The following MTUS2 variants were observed in gnomAD, a reference collection of about 807,000 sequenced individuals.
MTUS2 encodes microtubule-associated tumor suppressor candidate 2.
In MTUS2, 40 loss-of-function variants were observed where a neutral mutation model predicts 114.1. The ratio of observed to expected loss-of-function variants is 0.35; its 90% CI spans 0.27 to 0.46. The LOEUF (loss-of-function observed/expected upper bound fraction) is 0.46, where lower values mean the gene tolerates loss of function less well. Among genes scored for constraint, MTUS2 ranks in the 20% least tolerant of loss-of-function variants. The pLI is 1.00. For synonymous variants in MTUS2, 688 were observed against 672.0 expected (o/e 1.02, Z -0.37); for missense variants, 1,679 against 1,705.4 (o/e 0.98, Z 0.27).
chr13:29,335,554 C>G (rs573809183), intron 7 of MTUS2, among the ~76,000 whole-genome samples: 1 of 152,266 alleles, frequency 6.6e-6, no homozygotes, highest in African/African-American at 2.4e-5. Context: ...TAAAAACTTG[C>G]TGGTTTTGCG....
Position 29,031,688 on chromosome 13 carries a change from G to A in MTUS2, c.2206-2197G>A, listed in dbSNP as rs564484833. On this transcript the variant is annotated intron_variant, in intron 3 of 15. Coordinates refer to ENST00000612955, the MANE Select transcript of MTUS2 (RefSeq NM_001033602.4). ...TTATTCAAGGTCTGCTGATTTAAATGTTAATCTAATATAAGAAATACTTTC... is the reference window on the plus strand; with the variant it reads ...TTATTCAAGGTCTGCTGATTTAAATATTAATCTAATATAAGAAATACTTTC... 7.2e-5 allele frequency among the ~76,000 whole-genome samples: 11 copies of A among 151,990 alleles called. No individual in the cohort carries two copies. The South Asian group carries it at 1.0e-3, about 14-fold the overall frequency.
intron 2 of MTUS2, among the ~76,000 whole-genome samples, chr13:28,960,468 AC>A (rs756209737): frequency 1.3e-5 from 2 of 152,234 alleles, no homozygotes; most frequent in Non-Finnish European, 2.9e-5. Context: ...AAAAGTAGAA[AC>A]AATACAAGTG....
At chr13:29,339,490 A>G (rs994164917) in intron 7 of MTUS2, 1 of 152,882 alleles carries the variant, frequency 6.5e-6, no homozygotes. Context: ...TCTCCCTGGC[A>G]CAGGGATCTG....
At chr13:29,114,787 C>T (rs996732278) in intron 5 of MTUS2, among the ~76,000 whole-genome samples, 7 of 152,224 alleles carry the variant, frequency 4.6e-5, no homozygotes, top group African/African-American at 9.6e-5. Context: ...TCAGAGCTAA[C>T]GCCTCAGCTT....
rs555625125 is a variant in MTUS2, at chr13:29,211,140, C to G, written c.2645-70564C>G. On this transcript the variant is annotated intron_variant, in intron 5 of 15. Transcript: ENST00000612955. ...GCCCAGACTGTCCTCGGTGGGTGGGCTTCCTGTGGCTGTTGTGGAGGATGG... is the reference window on the plus strand; with the variant it reads ...GCCCAGACTGTCCTCGGTGGGTGGGGTTCCTGTGGCTGTTGTGGAGGATGG... Among the ~76,000 whole-genome samples, 53 of 152,136 alleles carry G rather than the reference C, an allele frequency of 3.5e-4. No homozygotes were observed. The South Asian group carries it at 1.0e-2, about 29-fold the overall frequency.
chr13:29,364,613 G>T (rs1377987014), intron 8 of MTUS2, among the ~76,000 whole-genome samples: 5 of 152,126 alleles, frequency 3.3e-5, no homozygotes, highest in Admixed American at 6.5e-5. Context: ...GGAAAATAAA[G>T]GCTTGCTAGC....
chr13:28,828,614 G>T lies in MTUS2; in HGVS notation c.-316+8003G>T, dbSNP rs531273287. 3.0e-3 allele frequency among the ~76,000 whole-genome samples: 456 copies of T among 151,970 alleles called. 1 individual carries two copies. Among genetic ancestry groups the T allele is most frequent in the Non-Finnish European group, 5.0e-3 (341 of 67,950 alleles). On this transcript the variant is annotated intron_variant, in intron 1 of 15. Transcript: ENST00000612955. ...ATGTTCTTCTGCCATGGCTTCAGCC[G>T]GTCCCTCCGTTCGGGGTCCCTGACT...
At chr13:29,197,693 C>G (rs1383852616) in intron 5 of MTUS2, among the ~76,000 whole-genome samples, 1 of 152,160 alleles carries the variant, frequency 6.6e-6, no homozygotes, top group African/African-American at 2.4e-5. Flanking sequence ...AAAAGCGTTC[C>G]TACTTCTCCA....
chr13:29,168,339 T>C (rs2139107144), intron 5 of MTUS2, among the ~76,000 whole-genome samples: 1 of 152,330 alleles, frequency 6.6e-6, no homozygotes, highest in East Asian at 1.9e-4. Context: ...CCTAACTATT[T>C]ATTAATGTTC....
Position 29,501,128 on chromosome 13 carries a change from TC to T in MTUS2, c.3832del (p.Gln1278ArgfsTer45). 1 of 1,614,074 alleles carries T rather than the reference TC, an allele frequency of 6.2e-7. No individual in the cohort carries two copies. Among genetic ancestry groups the T allele is most frequent in the Non-Finnish European group, 8.5e-7 (1 of 1,179,986 alleles). On this transcript the variant is annotated frameshift_variant, in exon 15 of 16. Transcript: ENST00000612955. LOFTEE classifies it high-confidence loss of function. Reference protein sequence around the residue: ...AEKNIILEEKIQVLQQQNEDL... With the variant: ...AEKNIILEEKXQVLQQQNEDL... ...AAGAACATTATCCTAGAAGAAAAGA[TC>T]CAGGTTCTCCAACAGCAGAACGAAG...
intron 5 of MTUS2, among the ~76,000 whole-genome samples, chr13:29,162,654 T>C (rs1373380187): frequency 6.6e-6 from 1 of 152,256 alleles, no homozygotes; most frequent in East Asian, 1.9e-4. Context: ...TAATTTATAT[T>C]CTTGCTGTAT....
intron 5 of MTUS2, among the ~76,000 whole-genome samples, chr13:29,191,630 T>C (rs974932313): frequency 6.6e-6 from 1 of 152,148 alleles, no homozygotes; most frequent in Non-Finnish European, 1.5e-5. Flanking sequence ...AAGCCAGCAC[T>C]GAATCCCCCT....
intron 4 of MTUS2, among the ~76,000 whole-genome samples, chr13:29,056,761 C>T (rs1196042081): frequency 6.6e-6 from 1 of 151,922 alleles, no homozygotes; most frequent in African/African-American, 2.4e-5. Context: ...AAACTAAACT[C>T]TTGGATTCAT....
intron 4 of MTUS2, among the ~76,000 whole-genome samples, chr13:29,060,018 C>T (rs1213915067): frequency 6.6e-6 from 1 of 152,134 alleles, no homozygotes; most frequent in Non-Finnish European, 1.5e-5. Flanking sequence ...GGTCACCTGT[C>T]CTGCCATTTG....
chr13:29,338,027 C>T (rs1481306496), intron 7 of MTUS2, among the ~76,000 whole-genome samples: 7 of 150,068 alleles, frequency 4.7e-5, no homozygotes, highest in East Asian at 2.0e-4. Context: ...CTCTTGACCT[C>T]GTGATTTGCC....
chr13:29,091,059 A>G (rs1250814992), intron 4 of MTUS2, among the ~76,000 whole-genome samples: 1 of 152,028 alleles, frequency 6.6e-6, no homozygotes, highest in Non-Finnish European at 1.5e-5. Flanking sequence ...GTACTCAGCA[A>G]CTTTGTGCAG....
intron 4 of MTUS2, among the ~76,000 whole-genome samples, chr13:29,045,753 A>G (rs2138577888): frequency 6.6e-6 from 1 of 152,300 alleles, no homozygotes; most frequent in Admixed American, 6.5e-5. Flanking sequence ...TGAAATGGTT[A>G]GTGCCTCCAT....
At chr13:29,377,764 TAGG>T (rs1458551312) in intron 8 of MTUS2, among the ~76,000 whole-genome samples, 2 of 151,726 alleles carry the variant, frequency 1.3e-5, no homozygotes, top group Non-Finnish European at 2.9e-5. Flanking sequence ...GAAATGAAGA[TAGG>T]AGGAGAAATT....
At chr13:29,345,905 C>T (rs377444761) in intron 7 of MTUS2, among the ~76,000 whole-genome samples, 12 of 152,030 alleles carry the variant, frequency 7.9e-5, no homozygotes, top group African/African-American at 2.9e-4. Flanking sequence ...GAGAGCCGAA[C>T]TGTAGTTATT....
Sources: gnomAD v4.1 joint callset for allele counts (sites outside exome capture counted in the v4.1 genomes callset) on GRCh38, gnomAD v4.1.1 for gene constraint, MANE v1.5 for transcripts, NCBI Gene and HGNC (gene_info 2026-07-23, HGNC 2026-07-21) for gene names.